Variants in HIF3A observed in about 807,000 individuals in gnomAD.
The protein encoded by HIF3A is hypoxia inducible factor 3 subunit alpha.
HIF3A carries 41 observed loss-of-function variants against 67.2 expected under a neutral mutation model. The observed-to-expected ratio is 0.61, with a 90% CI of 0.48 to 0.79. HIF3A has a LOEUF of 0.79. HIF3A is among the 30% of genes least tolerant of loss of function. The pLI is 0.00. For synonymous variants in HIF3A, 356 were observed against 374.8 expected (o/e 0.95, Z 0.58); for missense variants, 855 against 898.0 (o/e 0.95, Z 0.61).
intron 12 of HIF3A, among the ~76,000 whole-genome samples, chr19:46,330,928 A>G (rs1601352929): frequency 6.6e-6 from 1 of 151,540 alleles, no homozygotes; most frequent in African/African-American, 2.4e-5. Flanking sequence ...GTGGATAAAT[A>G]GGTGGATGAA....
At position 46,312,556 on chromosome 19, in the gene HIF3A, A is replaced by C; in HGVS notation, c.928A>C (p.Ser310Arg). ...VTGQYRFLARSGGYLWTQTQA... is the reference protein window; with the variant it reads ...VTGQYRFLARRGGYLWTQTQA... Reference sequence around the variant, plus strand: ...AGGGCAGTATCGCTTCCTGGCCCGGAGTGGTGGCTACCTGTGGACCCAGAC... The same window carrying C: ...AGGGCAGTATCGCTTCCTGGCCCGGCGTGGTGGCTACCTGTGGACCCAGAC... Residue 310 changes from serine to arginine, a missense_variant, in exon 8 of 15, where the codon AGT (serine) becomes CGT (arginine). Physicochemically the swap from Ser to Arg is moderately radical, Grantham distance 110. Transcript: ENST00000377670. 6.2e-7 allele frequency: 1 copy of C among 1,613,354 alleles called. No homozygotes were observed. The highest frequency in any genetic ancestry group is 8.5e-7 in the Non-Finnish European group (1 of 1,179,752).
intron 8 of HIF3A, 36 bp from the exon 9 acceptor site, chr19:46,320,407 C>T: frequency 1.3e-6 from 2 of 1,550,592 alleles, no homozygotes; most frequent in South Asian, 2.2e-5. Context: ...AAGGACCCTC[C>T]CTGACTCCCA....
At chr19:46,311,984 C>G in intron 6 of HIF3A, 177 bp from the exon 7 acceptor site, 1 of 764,272 alleles carries the variant, frequency 1.3e-6, no homozygotes, top group Non-Finnish European at 2.4e-6. Flanking sequence ...CTTTGGGGGT[C>G]ATTATTCAAC....
rs1488413271 is a variant in HIF3A, at chr19:46,335,284, T to TTTATTTATTTA, written c.1912+300_1912+301insATTTATTTATT. 2.6e-3 allele frequency among the ~76,000 whole-genome samples: 318 copies of TTTATTTATTTA among 124,178 alleles called. 3 individuals carry two copies. Among genetic ancestry groups the TTTATTTATTTA allele is most frequent in the African/African-American group, 0.011 (288 of 27,302 alleles). 81.5% of individuals were successfully genotyped at this position (124,178 alleles called of 152,430 possible). ...TATTTATTTATTTATTTATTTATTT[T>TTTATTTATTTA]TTGAGATGAAGTCTCACTCTTGTCG... is the stretch of plus-strand genomic sequence containing the variant. On this transcript the variant is annotated intron_variant, in intron 14 of 14. Coordinates refer to ENST00000377670, the MANE Select transcript of HIF3A (RefSeq NM_152795.4).
intron 1 of HIF3A, among the ~76,000 whole-genome samples, chr19:46,299,035 G>A (rs1968101069): frequency 6.6e-6 from 1 of 152,250 alleles, no homozygotes; most frequent in Non-Finnish European, 1.5e-5. Context: ...TCTCCTTCCT[G>A]GTTGGAGGGG....
intron 1 of HIF3A, among the ~76,000 whole-genome samples, chr19:46,299,664 C>G (rs1642442328): frequency 7.1e-6 from 1 of 140,502 alleles, no homozygotes; most frequent in African/African-American, 2.6e-5. Flanking sequence ...GAGCCAAGAT[C>G]AGGCCACTGC....
At chr19:46,331,399 C>A in intron 13 of HIF3A, 126 bp downstream of exon 13, 1 of 658,410 alleles carries the variant, frequency 1.5e-6, no homozygotes, top group South Asian at 1.7e-5. Context: ...AGTCAGTGGG[C>A]CAGCTGAGAC....
rs899108898 is a variant in HIF3A, at chr19:46,308,205, C to G, written c.364-16C>G. The G allele has an allele frequency of 1.3e-6, 2 of 1,592,802 alleles. No individual in the cohort carries two copies. The highest frequency in any genetic ancestry group is 1.7e-5 in the Admixed American group (1 of 59,956). On this transcript the variant is annotated splice_polypyrimidine_tract_variant and intron_variant, in intron 3 of 14. Coordinates refer to ENST00000377670, the MANE Select transcript of HIF3A (RefSeq NM_152795.4). ...CAGAAGCCCTGGTAGACCCCCACCCCTCTCATCCCTGGCAGCTGGAGCTCA... is the reference window on the plus strand; with the variant it reads ...CAGAAGCCCTGGTAGACCCCCACCCGTCTCATCCCTGGCAGCTGGAGCTCA...
rs774115769 is a variant in HIF3A at position 46,321,801 on chromosome 19, C to T, written c.1170C>T (p.Ala390=). 8.7e-6 allele frequency: 14 copies of T among 1,613,828 alleles called. No individual in the cohort carries two copies. In the South Asian group the frequency reaches 1.4e-4, roughly 16 times the overall value. Residue 390 remains alanine (A), a synonymous_variant, in exon 10 of 15, where the codon GCC becomes GCT. Coordinates refer to ENST00000377670, the MANE Select transcript of HIF3A (RefSeq NM_152795.4). ...SLDTPGPRIL[A]FLHPPSLSEA... is the part of the protein sequence containing the mutation. ...ACACCCCTGGCCCCCGGATCCTTGC[C>T]TTCCTGCACCCGCCTTCCCTGAGCG...
chr19:46,309,224 C>G lies in HIF3A; in HGVS notation c.635C>G (p.Ser212Ter). ...ACTTCTCCAGCTGGGAGCCCTGACT[C>G]AGAGCCCCCGCTGCAGTGCCTGGTG... ...AQTSPAGSPDSEPPLQCLVLI... is the reference protein window; with the variant it reads ...AQTSPAGSPD Residue 212 changes from serine (S) to a stop codon, truncating the protein, a stop_gained, in exon 6 of 15, where the codon TCA (serine) becomes TGA (stop). Coordinates refer to ENST00000377670, the MANE Select transcript of HIF3A (RefSeq NM_152795.4). LOFTEE classifies it high-confidence loss of function. 1 of 1,614,132 alleles carries G rather than the reference C, an allele frequency of 6.2e-7. No homozygotes were observed. Among genetic ancestry groups the G allele is most frequent in the Non-Finnish European group, 8.5e-7 (1 of 1,180,004 alleles).
chr19:46,321,814 C>T lies in HIF3A; in HGVS notation c.1183C>T (p.Pro395Ser). 1 of 1,613,932 alleles carries T rather than the reference C, an allele frequency of 6.2e-7. No individual in the cohort carries two copies. Among genetic ancestry groups the T allele is most frequent in the Non-Finnish European group, 8.5e-7 (1 of 1,180,002 alleles). Residue 395 changes from proline to serine, a missense_variant, in exon 10 of 15, where the codon CCT becomes TCT. Around this residue, in one of 3 missense-constraint regions of HIF3A, gnomAD observed 638 missense variants for 660.5 expected, o/e 0.97. Transcript: ENST00000377670. ...GPRILAFLHP[P>S]SLSEAALAAD... ...CCGGATCCTTGCCTTCCTGCACCCG[C>T]CTTCCCTGAGCGAGGCTGCCCTGGC...
intron 9 of HIF3A, 64 bp downstream of exon 9, chr19:46,320,625 C>A: frequency 7.9e-7 from 1 of 1,273,754 alleles, no homozygotes; most frequent in Non-Finnish European, 1.1e-6. Flanking sequence ...AAAGCCCAAG[C>A]ACCTTAACAT....
chr19:46,310,150 G>A (rs2110579), intron 6 of HIF3A, among the ~76,000 whole-genome samples: 87,113 of 152,032 alleles, frequency 0.57, 26,238 homozygotes, highest in Non-Finnish European at 0.69. Context: ...GCTTGAGCCC[G>A]GGAGGCGGAG....
chr19:46,320,694 C>T lies in HIF3A; in HGVS notation c.1144+133C>T, dbSNP rs1161852603. On this transcript the variant is annotated intron_variant, in intron 9 of 14. Coordinates refer to ENST00000377670, the MANE Select transcript of HIF3A (RefSeq NM_152795.4). ...CTCCCTTCCCTGCGCACTCAGCCTC[C>T]AAAACACACAGCCTCCTAAGAGCCC... The T allele has an allele frequency of 9.2e-6, 6 of 649,478 alleles. No individual in the cohort carries two copies. In the Admixed American group the frequency reaches 1.6e-4, roughly 18 times the overall value. The allele number at this position is 649,478 out of a possible 1,614,324, so 40.2% of individuals were successfully genotyped here.
intron 14 of HIF3A, 131 bp from the exon 15 acceptor site, chr19:46,339,392 TAA>T: frequency 1.6e-6 from 1 of 609,782 alleles, no homozygotes. Context: ...GTAAAATTAC[TAA>T]AAATCCTTTG....
At chr19:46,331,314 C>T (rs749174695) in intron 13 of HIF3A, 41 bp downstream of exon 13, 8 of 1,513,592 alleles carry the variant, frequency 5.3e-6, no homozygotes, top group Admixed American at 1.7e-5. Context: ...CCCTCATTAC[C>T]TAGCTGGCTT....
At chr19:46,313,322 G>A (rs1969625630) in intron 8 of HIF3A, 1 of 983,172 alleles carries the variant, frequency 1.0e-6, no homozygotes, top group Non-Finnish European at 1.2e-6. Flanking sequence ...ACAGAATCAT[G>A]GGGTCTTTTT....
intron 1 of HIF3A, among the ~76,000 whole-genome samples, chr19:46,301,903 T>C (rs915235940): frequency 2.0e-5 from 3 of 151,336 alleles, no homozygotes; most frequent in Admixed American, 6.6e-5. Context: ...CCCCTGAGGA[T>C]TGGATGAATA....
In HIF3A at chr19:46,340,506, TTC is replaced by T. The variant is rs930470189; in HGVS notation, c.*886_*887del. 2.5e-4 allele frequency: 39 copies of T among 154,894 alleles called. No homozygotes were observed. In the South Asian group the frequency reaches 6.7e-3, roughly 27 times the overall value. The allele number at this position is 154,894 out of a possible 1,614,324, so 9.6% of individuals were successfully genotyped here. ...CCTCCTGCTCCTCTTCCTCTTCTTC[TTC>T]TTTTTTTTTTTTGACAGAGTCTTGC... is the stretch of plus-strand genomic sequence containing the variant. On this transcript the variant is annotated 3_prime_UTR_variant, in exon 15 of 15. Coordinates refer to ENST00000377670, the MANE Select transcript of HIF3A (RefSeq NM_152795.4).
Sources: gnomAD v4.1 joint callset for allele counts (sites outside exome capture counted in the v4.1 genomes callset) on GRCh38, gnomAD v4.1.1 for gene constraint, gnomAD v4.1.1 regional missense constraint, MANE v1.5 for transcripts, NCBI Gene and HGNC (gene_info 2026-07-23, HGNC 2026-07-21) for gene names.